TRAPPC2: variants seen among roughly 807,000 people sequenced by gnomAD.
TRAPPC2 encodes trafficking protein particle complex subunit 2, also known as sedlin.
In TRAPPC2, 4 loss-of-function variants were observed where a neutral mutation model predicts 10.0. The observed-to-expected ratio is 0.40, with a 90% CI of 0.20 to 0.92. The LOEUF is 0.92. Among genes scored for constraint, TRAPPC2 ranks in the 40% least tolerant of loss-of-function variants. TRAPPC2 has a pLI of 0.35. For missense variants in TRAPPC2, 52 were observed against 108.7 expected, an observed-to-expected ratio of 0.48 and a Z score of 2.32; for synonymous variants, 36 against 37.3, an observed-to-expected ratio of 0.97 and a Z score of 0.12.
chrX:13,717,034 T>TAAAAAAAAAAAAAAAAAAA (rs1175025577), intron 3 of TRAPPC2, among the ~76,000 whole-genome samples: 1 of 37,936 alleles, frequency 2.6e-5, no homozygotes, highest in Non-Finnish European at 4.3e-5. Context: ...GATACTATGT[T>TAAAAAAAAAAAAAAAAAAA]AAAAAAAAAA....
chrX:13,721,097 T>C (rs1231732806), intron 2 of TRAPPC2: 1 of 109,872 alleles, frequency 9.1e-6, no homozygotes, highest in Non-Finnish European at 1.9e-5. Context: ...ATATAAGTGA[T>C]TCCATGGCTT....
chrX:13,725,313 C>A (rs1440107328), intron 2 of TRAPPC2, among the ~76,000 whole-genome samples: 2 of 112,703 alleles, frequency 1.8e-5, no homozygotes, highest in African/African-American at 6.4e-5. Context: ...GTCCCTGACC[C>A]CCGTATGGCC....
At chrX:13,734,419 G>C (rs1602754415) in intron 1 of TRAPPC2, 106 bp downstream of exon 1, 1 of 260,167 alleles carries the variant, frequency 3.8e-6, no homozygotes, top group Non-Finnish European at 6.8e-6. Flanking sequence ...CGGCCACCCC[G>C]GGGAGGGGTG....
At chrX:13,730,981 G>A (rs2046664999) in intron 2 of TRAPPC2, among the ~76,000 whole-genome samples, 1 of 110,897 alleles carries the variant, frequency 9.0e-6, no homozygotes, top group Non-Finnish European at 1.9e-5. Context: ...ATGAGTTAAT[G>A]GGTGCAGCAA....
rs773435115 is a variant in TRAPPC2, at chrX:13,734,032, G to A, written c.-20+12C>T. ...TTCTAATTACATTTAAGCATCATGA[G>A]GACTGGCTCACCTTTACCTCACAGC... On this transcript the variant is annotated intron_variant, in intron 2 of 5. Coordinates refer to ENST00000380579, the MANE Select transcript of TRAPPC2 (RefSeq NM_001011658.4). 3.9e-6 allele frequency: 2 copies of A among 514,746 alleles called. No individual in the cohort carries two copies. Among genetic ancestry groups the A allele is most frequent in the East Asian group, 3.6e-5 (1 of 27,753 alleles). The allele number at this position is 514,746 out of a possible 1,213,427, so 42.4% of individuals were successfully genotyped here.
At chrX:13,720,131 G>A (rs1435656300) in intron 2 of TRAPPC2, 149 bp from the exon 3 acceptor site, 6 of 344,472 alleles carry the variant, frequency 1.7e-5, no homozygotes, top group East Asian at 1.4e-4. Context: ...GTATACTAGC[G>A]AAGATACGTA....
intron 2 of TRAPPC2, among the ~76,000 whole-genome samples, chrX:13,731,665 G>A (rs1438690524): frequency 9.0e-6 from 1 of 111,519 alleles, no homozygotes; most frequent in Non-Finnish European, 1.9e-5. Flanking sequence ...GACCCAGAAA[G>A]CACTCATTAT....
At position 13,724,049 on chromosome X, in the gene TRAPPC2, G is replaced by A. The variant is rs182809799; in HGVS notation, c.-19-4067C>T. 3.5e-3 allele frequency among the ~76,000 whole-genome samples: 388 copies of A among 111,548 alleles called. 3 individuals are homozygous for A. The highest frequency in any genetic ancestry group is 0.012 in the African/African-American group (369 of 30,702). On this transcript the variant is annotated intron_variant, in intron 2 of 5. Coordinates refer to ENST00000380579, the MANE Select transcript of TRAPPC2 (RefSeq NM_001011658.4). ...ATGTGATCTTGACAGCTTTGAAAAT[G>A]AAGGAAGGGGCCACAGCCAAGGAAT...
chrX:13,731,291 C>T (rs1013012019), intron 2 of TRAPPC2, among the ~76,000 whole-genome samples: 11 of 111,779 alleles, frequency 9.8e-5, no homozygotes, highest in Non-Finnish European at 1.9e-4. Flanking sequence ...ACATTCAGAG[C>T]GACTAGAACA....
chrX:13,722,208 C>CCAAAAAAAAAAAAAAAAAAAAAAAAA (rs1555898002), intron 2 of TRAPPC2: 2 of 36,118 alleles, frequency 5.5e-5, no homozygotes, highest in Admixed American at 2.7e-4. Flanking sequence ...TAAGCAGCAG[C>CCAAAAAAAAAAAAAAAAAAAAAAAAA]AAAAAAAAAA....
chrX:13,722,395 G>A (rs1053179790), intron 2 of TRAPPC2, among the ~76,000 whole-genome samples: 2 of 110,491 alleles, frequency 1.8e-5, no homozygotes, highest in Non-Finnish European at 3.8e-5. Context: ...ACTGCATGAG[G>A]ATGCTGTTAC....
intron 2 of TRAPPC2, among the ~76,000 whole-genome samples, 159 bp downstream of exon 2, chrX:13,733,885 T>C (rs1244376387): frequency 1.8e-5 from 2 of 111,812 alleles, no homozygotes; most frequent in Admixed American, 1.9e-4. Flanking sequence ...TCTGGATCAC[T>C]TCCATCTTCA....
Position 13,715,994 on chromosome X carries a change from C to T in TRAPPC2, c.324+10G>A, listed in dbSNP as rs2046278832. 3 of 1,176,183 alleles carry T rather than the reference C, an allele frequency of 2.6e-6. No homozygotes were observed. Among genetic ancestry groups the T allele is most frequent in the Admixed American group, 2.4e-5 (1 of 42,512 alleles). ...TCATCAGAATTTAAAAATTATAGAA[C>T]ATACCATACCTTTATATATAAATCA... On this transcript the variant is annotated intron_variant, in intron 5 of 5. Coordinates refer to ENST00000380579, the MANE Select transcript of TRAPPC2 (RefSeq NM_001011658.4).
chrX:13,719,750 G>A, intron 3 of TRAPPC2, 121 bp downstream of exon 3: 1 of 532,864 alleles, frequency 1.9e-6, no homozygotes. Context: ...ATCAGTCTGT[G>A]GGCTCCTGAG....
At chrX:13,714,595 C>A in intron 5 of TRAPPC2, 90 bp from the exon 6 acceptor site, 2 of 509,306 alleles carry the variant, frequency 3.9e-6, no homozygotes, top group Non-Finnish European at 6.2e-6. Flanking sequence ...AAATTAAAAA[C>A]CAAAGACATT....
intron 2 of TRAPPC2, among the ~76,000 whole-genome samples, chrX:13,732,844 A>G (rs1183043744): frequency 3.5e-5 from 4 of 112,850 alleles, no homozygotes; most frequent in Non-Finnish European, 7.5e-5. Flanking sequence ...TACAACCTCT[A>G]TAGAAGAGCT....
chrX:13,727,908 T>A (rs1403205413), intron 2 of TRAPPC2, among the ~76,000 whole-genome samples: 1 of 111,110 alleles, frequency 9.0e-6, no homozygotes, highest in Non-Finnish European at 1.9e-5. Context: ...TAAAAAATGA[T>A]AAAGGGGATA....
At position 13,716,824 on chromosome X, in the gene TRAPPC2, A is replaced by G. The variant is rs775046062; in HGVS notation, c.94-146T>C. 3.0e-4 allele frequency: 169 copies of G among 556,369 alleles called. 1 individual carries two copies. In the South Asian group the frequency reaches 5.4e-3, roughly 18 times the overall value. The allele number at this position is 556,369 out of a possible 1,213,427, so 45.9% of individuals were successfully genotyped here. A position where few individuals can be genotyped will look rare whatever the true frequency, so the allele number is the denominator to read the frequency against. ...ACTTTGTTATTGTCATGAGACTTAT[A>G]AAAGATCTGTTTTCATATTATATTC... On this transcript the variant is annotated intron_variant, in intron 3 of 5. Coordinates refer to ENST00000380579, the MANE Select transcript of TRAPPC2 (RefSeq NM_001011658.4).
intron 2 of TRAPPC2, among the ~76,000 whole-genome samples, chrX:13,732,557 T>C (rs1331130867): frequency 8.9e-6 from 1 of 112,727 alleles, no homozygotes; most frequent in South Asian, 3.6e-4. Context: ...TATCCATGTC[T>C]GCTATGAATT....
Sources: gnomAD v4.1 joint callset for allele counts (sites outside exome capture counted in the v4.1 genomes callset) on GRCh38, gnomAD v4.1.1 for gene constraint, MANE v1.5 for transcripts, NCBI Gene and HGNC (gene_info 2026-07-23, HGNC 2026-07-21) for gene names.